The following DEAF1 variants were observed in gnomAD, a reference collection of about 807,000 sequenced individuals.
DEAF1 encodes deformed epidermal autoregulatory factor 1 homolog.
Under a neutral mutation model 58.9 loss-of-function variants are expected in DEAF1, and 53 were observed. The ratio of observed to expected loss-of-function variants is 0.90; its 90% CI spans 0.72 to 1.13. DEAF1 has a LOEUF of 1.13. Among genes scored for constraint, DEAF1 ranks in the 50% most tolerant of loss-of-function variants. The probability of loss-of-function intolerance (pLI) is 0.00; values close to 1 mark genes in which losing one functional copy is unlikely to be tolerated. For missense variants in DEAF1, 685 were observed against 791.4 expected (o/e 0.87, Z 1.61); for synonymous variants, 385 against 340.4 (o/e 1.13, Z -1.44).
intron 7 of DEAF1, chr11:680,150 A>C: frequency 8.3e-6 from 3 of 363,136 alleles, no homozygotes; most frequent in South Asian, 5.0e-5. Flanking sequence ...ATTAAGAAAA[A>C]ATCTTTAATC....
chr11:689,190 T>TTTTTTC (rs1220769479), intron 2 of DEAF1, among the ~76,000 whole-genome samples: 3 of 147,366 alleles, frequency 2.0e-5, no homozygotes, highest in Non-Finnish European at 3.0e-5. Flanking sequence ...AACTGTTTCT[T>TTTTTTC]TTTTTCTTTT....
At chr11:659,719 T>C (rs1465735712) in intron 10 of DEAF1, among the ~76,000 whole-genome samples, 1 of 152,186 alleles carries the variant, frequency 6.6e-6, no homozygotes, top group African/African-American at 2.4e-5. Context: ...CTCCTGGGTC[T>C]AGTTCCAGAG....
intron 2 of DEAF1, among the ~76,000 whole-genome samples, chr11:690,492 CCTT>C (rs1174441204): frequency 6.6e-5 from 10 of 151,930 alleles, no homozygotes; most frequent in Non-Finnish European, 7.4e-5. Context: ...CACCTATAAT[CCTT>C]ATAATCCCAG....
intron 1 of DEAF1, chr11:705,984 G>A (rs903264528): frequency 1.3e-5 from 2 of 152,300 alleles, no homozygotes; most frequent in African/African-American, 4.8e-5. Flanking sequence ...CACACCAGGC[G>A]GGTGTTGGGG....
intron 10 of DEAF1, among the ~76,000 whole-genome samples, chr11:662,006 A>C (rs1028556170): frequency 3.3e-5 from 5 of 152,088 alleles, no homozygotes; most frequent in African/African-American, 1.2e-4. Flanking sequence ...ACTTTCTTAA[A>C]ACATTATGGG....
At chr11:693,938 G>A (rs1293763375) in intron 1 of DEAF1, among the ~76,000 whole-genome samples, 1 of 152,184 alleles carries the variant, frequency 6.6e-6, no homozygotes, top group Non-Finnish European at 1.5e-5. Flanking sequence ...AGGACTGGGA[G>A]GGGAGCCTGC....
At chr11:654,134 A>T in intron 10 of DEAF1, 83 bp from the exon 11 acceptor site, 1 of 1,092,884 alleles carries the variant, frequency 9.2e-7, no homozygotes. Context: ...AGGTGCAGGC[A>T]GGAGGCCCCA....
intron 1 of DEAF1, chr11:693,655 G>A (rs1244707131): frequency 6.6e-6 from 1 of 152,336 alleles, no homozygotes; most frequent in Non-Finnish European, 1.5e-5. Flanking sequence ...GCGTTAGGAA[G>A]CCAGTGGGTG....
intron 4 of DEAF1, among the ~76,000 whole-genome samples, chr11:687,352 CGCTT>C (rs1187956804): frequency 9.2e-5 from 14 of 152,144 alleles, no homozygotes; most frequent in African/African-American, 3.4e-4. Context: ...TGCTTCTTCT[CGCTT>C]GTCTCCTGTC....
chr11:680,839 T>C (rs1860327629), intron 7 of DEAF1, 124 bp downstream of exon 7: 1 of 1,405,446 alleles, frequency 7.1e-7, no homozygotes, highest in Non-Finnish European at 1.0e-6. Context: ...GGCGTTGGAA[T>C]CCCTCTGGCC....
chr11:691,428 A>G, intron 2 of DEAF1, 73 bp downstream of exon 2: 2 of 1,408,104 alleles, frequency 1.4e-6, no homozygotes, highest in Non-Finnish European at 2.0e-6. Flanking sequence ...GAACCCCGGG[A>G]GAGCCTCGGG....
intron 5 of DEAF1, 155 bp from the exon 6 acceptor site, chr11:685,118 T>C: frequency 1.5e-6 from 1 of 653,028 alleles, no homozygotes; most frequent in Non-Finnish European, 2.5e-6. Flanking sequence ...AGAGTCTTGT[T>C]GGGTTGCCCA....
intron 11 of DEAF1, chr11:651,039 T>G (rs1245162353): frequency 6.5e-6 from 1 of 153,904 alleles, no homozygotes; most frequent in Non-Finnish European, 1.4e-5. Context: ...CTTGGCTTAC[T>G]GCAACCTCCG....
intron 10 of DEAF1, among the ~76,000 whole-genome samples, chr11:669,309 T>C (rs759440098): frequency 1.3e-4 from 20 of 152,036 alleles, no homozygotes; most frequent in Admixed American, 2.0e-4. Context: ...TCTAAGCATA[T>C]TGGAGTTGAA....
chr11:704,377 G>T, intron 1 of DEAF1: 1 of 1,116,270 alleles, frequency 9.0e-7, no homozygotes. Flanking sequence ...GCCTGTCTTC[G>T]TGGAAGCGGT....
rs1858384870 is a variant in DEAF1 at position 644,476 on chromosome 11, C to CA, written c.*73dup. 1 of 1,175,612 alleles carries CA rather than the reference C, an allele frequency of 8.5e-7. No homozygotes were observed. Among genetic ancestry groups the CA allele is most frequent in the Non-Finnish European group, 1.2e-6 (1 of 804,250 alleles). The allele number at this position is 1,175,612 out of a possible 1,614,324, so 72.8% of individuals were successfully genotyped here. ...CTTCTCAACGTCCCCCCAGAGTCCT[C>CA]AGGGGGGCCTTCGACCTGCAAAAGC... On this transcript the variant is annotated 3_prime_UTR_variant, in exon 12 of 12. Transcript: ENST00000382409. The surrounding 1 kb of genome is among the most constrained non-coding windows in gnomAD (Gnocchi z 4.3).
At chr11:671,847 A>G (rs11246254) in intron 10 of DEAF1, among the ~76,000 whole-genome samples, 1 of 125,004 alleles carries the variant, frequency 8.0e-6, no homozygotes, top group Non-Finnish European at 1.7e-5. Flanking sequence ...AAAAAAAAAA[A>G]AAGAAACACA....
intron 10 of DEAF1, among the ~76,000 whole-genome samples, chr11:655,234 C>A (rs1858984803): frequency 1.3e-5 from 2 of 152,198 alleles, no homozygotes; most frequent in African/African-American, 4.8e-5. Context: ...GGCATGTGTC[C>A]CAAACTGCTG....
intron 5 of DEAF1, 149 bp from the exon 6 acceptor site, chr11:685,112 T>A: frequency 1.6e-6 from 1 of 620,214 alleles, no homozygotes; most frequent in Non-Finnish European, 2.6e-6. Flanking sequence ...TGAGACAGAG[T>A]CTTGTTGGGT....
Sources: gnomAD v4.1 joint callset for allele counts (sites outside exome capture counted in the v4.1 genomes callset) on GRCh38, gnomAD v4.1.1 for gene constraint, Gnocchi (gnomAD v3.1) non-coding constraint, MANE v1.5 for transcripts, NCBI Gene and HGNC (gene_info 2026-07-23, HGNC 2026-07-21) for gene names.